Variants in INVS observed in about 807,000 individuals in gnomAD.
The protein encoded by INVS is inversion of embryo turning homolog.
INVS carries 86 observed loss-of-function variants against 108.8 expected under a neutral mutation model. The observed-to-expected ratio is 0.79, with a 90% CI of 0.66 to 0.95. INVS has a LOEUF of 0.95. Ranked by LOEUF, INVS falls within the 40% of genes least tolerant of loss-of-function variation. INVS has a pLI of 0.00. For missense variants in INVS, 1,169 were observed against 1,297.4 expected (o/e 0.90, Z 1.52); for synonymous variants, 455 against 473.5 (o/e 0.96, Z 0.51).
At position 100,284,504 on chromosome 9, in the gene INVS, G is replaced by C; in HGVS notation, c.1969G>C (p.Asp657His). The C allele has an allele frequency of 6.2e-7, 1 of 1,614,116 alleles. No individual in the cohort carries two copies. The change falls in exon 13 of 17, where the codon GAC (aspartate) becomes CAC (histidine). Residue 657 changes from aspartate to histidine, a missense_variant. Asp to His is a moderately conservative substitution (Grantham distance 81). Transcript: ENST00000262457. The stretch of plus-strand genomic sequence containing the variant: ...CGTGGCCCAAGGCCCTGAGCCAAGA[G>C]ACAGCAGAGGATCTCCAGGAGGGTC... Reference protein sequence around the residue: ...GNVAQGPEPRDSRGSPGGSLG... With the variant: ...GNVAQGPEPRHSRGSPGGSLG...
intron 5 of INVS, among the ~76,000 whole-genome samples, chr9:100,234,013 G>A (rs1013749634): frequency 2.0e-5 from 3 of 152,252 alleles, no homozygotes; most frequent in African/African-American, 4.8e-5. Flanking sequence ...ACTTTTATTG[G>A]TTGGTAGGCT....
chr9:100,164,299 A>G (rs1829289465), intron 3 of INVS, among the ~76,000 whole-genome samples: 2 of 152,182 alleles, frequency 1.3e-5, no homozygotes, highest in Admixed American at 6.5e-5. Flanking sequence ...CAAGCACATA[A>G]TACATTGTTA....
At chr9:100,169,336 T>TA (rs1334957265) in intron 3 of INVS, among the ~76,000 whole-genome samples, 3 of 152,180 alleles carry the variant, frequency 2.0e-5, no homozygotes, top group Non-Finnish European at 1.5e-5. Context: ...CCTACATACT[T>TA]ACGCTGTACT....
At chr9:100,138,418 TTA>T (rs35768916) in intron 3 of INVS, among the ~76,000 whole-genome samples, 10 of 150,618 alleles carry the variant, frequency 6.6e-5, no homozygotes, top group Admixed American at 1.3e-4. Context: ...AAAAAAAATT[TTA>T]TATATATATA....
intron 3 of INVS, among the ~76,000 whole-genome samples, chr9:100,176,959 T>G (rs1027097982): frequency 6.6e-6 from 1 of 151,546 alleles, no homozygotes; most frequent in African/African-American, 2.4e-5. Context: ...GTTTGCCTGG[T>G]TTAAGTACAA....
At chr9:100,171,169 C>G (rs1255965643) in intron 3 of INVS, among the ~76,000 whole-genome samples, 1 of 152,084 alleles carries the variant, frequency 6.6e-6, no homozygotes, top group Non-Finnish European at 1.5e-5. Context: ...AACTTCAGAC[C>G]ACATATACAA....
intron 14 of INVS, among the ~76,000 whole-genome samples, chr9:100,294,416 C>A (rs910760262): frequency 6.6e-6 from 1 of 152,180 alleles, no homozygotes; most frequent in Non-Finnish European, 1.5e-5. Flanking sequence ...GCCGGGTGAT[C>A]TGGTTTGTGC....
In INVS at chr9:100,301,911, G is replaced by A. The variant is rs1465340794; in HGVS notation, c.*1237G>A. Among the ~76,000 whole-genome samples the A allele has an allele frequency of 6.6e-6, 1 of 152,062 alleles. No individual in the cohort carries two copies. The highest frequency in any genetic ancestry group is 2.4e-5 in the African/African-American group (1 of 41,380). On this transcript the variant is annotated 3_prime_UTR_variant, in exon 17 of 17. Transcript: ENST00000262457. The stretch of plus-strand genomic sequence containing the variant: ...GCCAGTTTCTTGGTATATAACAGAA[G>A]GTACCACAGTATCACTCTCTATTTT...
intron 7 of INVS, among the ~76,000 whole-genome samples, chr9:100,245,196 A>T (rs1832003352): frequency 6.6e-6 from 1 of 152,194 alleles, no homozygotes. Flanking sequence ...AGGCAATTTA[A>T]AATGCTGGAA....
Position 100,164,646 on chromosome 9 carries a change from T to G in INVS, c.273+38097T>G, listed in dbSNP as rs530913738. Among the ~76,000 whole-genome samples, 66 of 152,242 alleles carry G rather than the reference T, an allele frequency of 4.3e-4. 1 individual carries two copies. The highest frequency in any genetic ancestry group is 1.5e-3 in the African/African-American group (61 of 41,576). The stretch of plus-strand genomic sequence containing the variant: ...TATGTATTTCTAAGAGGAAATGACC[T>G]TTTAAAATGTAATCATGATAGTACT... On this transcript the variant is annotated intron_variant, in intron 3 of 16. Coordinates refer to ENST00000262457, the MANE Select transcript of INVS (RefSeq NM_014425.5).
In INVS at chr9:100,297,062, G is replaced by A. The variant is rs1206059820; in HGVS notation, c.2932G>A (p.Ala978Thr). The A allele has an allele frequency of 1.2e-6, 2 of 1,613,970 alleles. No homozygotes were observed. The highest frequency in any genetic ancestry group is 2.7e-5 in the African/African-American group (2 of 74,994). Reference protein sequence around the residue: ...ELELKFPQTTAVSKAPKSPSK... With the variant: ...ELELKFPQTTTVSKAPKSPSK... ...GGAACTAAAATTCCCCCAAACCACT[G>A]CAGTAAGCAAGGCCCCCAAGAGTCC... Residue 978 changes from alanine to threonine, a missense_variant, in exon 15 of 17, where the codon GCA (alanine) becomes ACA (threonine). This residue lies in a region of INVS where 533 missense variants were observed against 536.0 expected (regional missense o/e 0.99). Coordinates refer to ENST00000262457, the MANE Select transcript of INVS (RefSeq NM_014425.5).
At chr9:100,163,772 T>C (rs1829268025) in intron 3 of INVS, among the ~76,000 whole-genome samples, 1 of 152,102 alleles carries the variant, frequency 6.6e-6, no homozygotes, top group Non-Finnish European at 1.5e-5. Flanking sequence ...GGTCCAGAAA[T>C]GGGCACGTGC....
chr9:100,180,344 G>T (rs1006380873), intron 3 of INVS, among the ~76,000 whole-genome samples: 7 of 150,924 alleles, frequency 4.6e-5, no homozygotes, highest in Non-Finnish European at 1.0e-4. Flanking sequence ...CCAGGAGCTG[G>T]TTTTTTTTTA....
chr9:100,156,793 T>G (rs768312471), intron 3 of INVS, among the ~76,000 whole-genome samples: 18 of 150,832 alleles, frequency 1.2e-4, no homozygotes, highest in Non-Finnish European at 2.2e-4. Flanking sequence ...GCTCTTGTGC[T>G]TCAGATAGTA....
At chr9:100,274,041 C>G (rs1833044157) in intron 12 of INVS, among the ~76,000 whole-genome samples, 1 of 152,046 alleles carries the variant, frequency 6.6e-6, no homozygotes, top group Non-Finnish European at 1.5e-5. Flanking sequence ...GCCTCTTGCA[C>G]ATTCTGATTA....
At chr9:100,182,507 G>T (rs959403916) in intron 3 of INVS, among the ~76,000 whole-genome samples, 4 of 152,046 alleles carry the variant, frequency 2.6e-5, no homozygotes, top group African/African-American at 9.7e-5. Flanking sequence ...CATTATTGCG[G>T]CCAACAAACA....
At chr9:100,213,511 A>G (rs928529964) in intron 3 of INVS, among the ~76,000 whole-genome samples, 1 of 152,072 alleles carries the variant, frequency 6.6e-6, no homozygotes, top group African/African-American at 2.4e-5. Flanking sequence ...GGCCCTTACA[A>G]TGCATTTCAT....
chr9:100,188,241 C>T (rs1164405287), intron 3 of INVS, among the ~76,000 whole-genome samples: 1 of 152,082 alleles, frequency 6.6e-6, no homozygotes, highest in Non-Finnish European at 1.5e-5. Flanking sequence ...AAGTGGGCAT[C>T]CTTGTCTTGT....
At chr9:100,219,026 G>T (rs986022109) in intron 3 of INVS, among the ~76,000 whole-genome samples, 1 of 152,152 alleles carries the variant, frequency 6.6e-6, no homozygotes, top group Non-Finnish European at 1.5e-5. Context: ...AATATTTGAA[G>T]AAATCTAATG....
Sources: gnomAD v4.1 joint callset for allele counts (sites outside exome capture counted in the v4.1 genomes callset) on GRCh38, gnomAD v4.1.1 for gene constraint, gnomAD v4.1.1 regional missense constraint, MANE v1.5 for transcripts, NCBI Gene and HGNC (gene_info 2026-07-23, HGNC 2026-07-21) for gene names.